The following STAG1 variants were observed in gnomAD, a reference collection of about 807,000 sequenced individuals.
STAG1 encodes cohesin subunit SA-1.
A neutral mutation model predicts 170.9 loss-of-function variants in STAG1; 26 were observed. The observed-to-expected ratio is 0.15, with a 90% CI of 0.11 to 0.21. The LOEUF is 0.21. Ranked by LOEUF, STAG1 falls within the 10% of genes least tolerant of loss-of-function variation. The pLI, the probability that STAG1 is intolerant of heterozygous loss-of-function variation, is 1.00. For missense variants in STAG1, 964 were observed against 1,509.5 expected, an observed-to-expected ratio of 0.64 and a Z score of 5.99; for synonymous variants, 514 against 497.7, an observed-to-expected ratio of 1.03 and a Z score of -0.44.
chr3:136,496,662 T>C (rs1339728514), intron 9 of STAG1, among the ~76,000 whole-genome samples: 1 of 152,036 alleles, frequency 6.6e-6, no homozygotes, highest in South Asian at 2.1e-4. Context: ...CTTTAAAAAA[T>C]TTATAGGAGT....
At chr3:136,461,356 G>A (rs529419618) in intron 13 of STAG1, among the ~76,000 whole-genome samples, 11 of 152,198 alleles carry the variant, frequency 7.2e-5, no homozygotes, top group African/African-American at 2.6e-4. Context: ...TGAAATAAAA[G>A]ACATCCAAAT....
chr3:136,461,477 G>C (rs1312502162), intron 13 of STAG1, among the ~76,000 whole-genome samples: 2 of 150,094 alleles, frequency 1.3e-5, no homozygotes, highest in Non-Finnish European at 3.0e-5. Context: ...AAAAGTAGCA[G>C]AATACAAAAT....
intron 4 of STAG1, among the ~76,000 whole-genome samples, chr3:136,600,004 C>T (rs1938595547): frequency 6.6e-6 from 1 of 152,134 alleles, no homozygotes. Flanking sequence ...CCTAAAACAA[C>T]ATTGGGAATT....
intron 4 of STAG1, among the ~76,000 whole-genome samples, chr3:136,584,093 AC>A (rs1418509014): frequency 6.6e-6 from 1 of 152,244 alleles, no homozygotes; most frequent in African/African-American, 2.4e-5. Flanking sequence ...TTTTTAAATG[AC>A]CATGTAATCT....
At chr3:136,551,359 T>C (rs997127139) in intron 5 of STAG1, among the ~76,000 whole-genome samples, 4 of 146,654 alleles carry the variant, frequency 2.7e-5, no homozygotes, top group African/African-American at 1.0e-4. Flanking sequence ...GCAATCCTCC[T>C]ACCTCAACCT....
At chr3:136,696,801 A>G (rs1226756409) in intron 1 of STAG1, among the ~76,000 whole-genome samples, 1 of 152,216 alleles carries the variant, frequency 6.6e-6, no homozygotes, top group Non-Finnish European at 1.5e-5. Flanking sequence ...ATGATTCCGT[A>G]TGTATGACAT....
At chr3:136,648,321 T>G (rs1941101272) in intron 1 of STAG1, among the ~76,000 whole-genome samples, 2 of 152,196 alleles carry the variant, frequency 1.3e-5, no homozygotes, top group Non-Finnish European at 2.9e-5. Context: ...TCCTTGCTCC[T>G]CAAGCACCAG....
intron 9 of STAG1, among the ~76,000 whole-genome samples, chr3:136,496,385 T>C (rs1299217062): frequency 1.3e-5 from 2 of 152,212 alleles, no homozygotes; most frequent in African/African-American, 2.4e-5. Context: ...TTCACCAAGA[T>C]AGAGTTTACT....
At position 136,526,497 on chromosome 3, in the gene STAG1, T is replaced by G. The variant is rs140686411; in HGVS notation, c.472-5080A>C. Among the ~76,000 whole-genome samples, 17 of 152,312 alleles carry G rather than the reference T, an allele frequency of 1.1e-4. No homozygotes were observed. The East Asian group carries it at 2.9e-3, about 26-fold the overall frequency. On this transcript the variant is annotated intron_variant, in intron 6 of 33. Transcript: ENST00000383202. ...TTTGAGCCTACGTGTGTCTCTGCACTTGAGATGGGTCTCCTGAATACAGCA... is the reference window on the plus strand; with the variant it reads ...TTTGAGCCTACGTGTGTCTCTGCACGTGAGATGGGTCTCCTGAATACAGCA...
intron 20 of STAG1, among the ~76,000 whole-genome samples, chr3:136,418,457 A>AATG (rs1166843839): frequency 2.0e-5 from 3 of 150,570 alleles, no homozygotes; most frequent in African/African-American, 4.9e-5. Flanking sequence ...ATACTCATTA[A>AATG]ATGCTCAAAT....
intron 22 of STAG1, among the ~76,000 whole-genome samples, chr3:136,387,639 G>A (rs937560954): frequency 6.6e-6 from 1 of 152,178 alleles, no homozygotes; most frequent in Non-Finnish European, 1.5e-5. Flanking sequence ...GATAGGGGGA[G>A]AGTGTGCAAC....
rs200328601 is a variant in STAG1 at position 136,377,750 on chromosome 3, C to T, written c.2280G>A (p.Glu760=). 5.0e-6 allele frequency: 8 copies of T among 1,613,604 alleles called. No homozygotes were observed. Among genetic ancestry groups the T allele is most frequent in the South Asian group, 3.3e-5 (3 of 91,070 alleles). ...CCGTTTTCCTCAATACCAACAAATC[C>T]TCCTGTAAGACACATTCAAATTTGC... is the stretch of plus-strand genomic sequence containing the variant. ...VKITDGSPSK[E]DLLVLRKTVK... Residue 760 remains glutamate, a splice_region_variant and synonymous_variant, in exon 23 of 34, where the codon GAG becomes GAA. Coordinates refer to ENST00000383202, the MANE Select transcript of STAG1 (RefSeq NM_005862.3).
intron 9 of STAG1, among the ~76,000 whole-genome samples, chr3:136,495,748 C>T (rs1933047897): frequency 6.6e-6 from 1 of 151,650 alleles, no homozygotes; most frequent in East Asian, 1.9e-4. Flanking sequence ...GCAGGTGGCT[C>T]GTGAGGTCAA....
chr3:136,637,167 T>C (rs1480708781), intron 1 of STAG1, among the ~76,000 whole-genome samples: 1 of 152,192 alleles, frequency 6.6e-6, no homozygotes, highest in Non-Finnish European at 1.5e-5. Context: ...AAGGTTTAAG[T>C]AGCATCAAGA....
intron 1 of STAG1, among the ~76,000 whole-genome samples, chr3:136,695,645 A>G (rs1463339113): frequency 6.6e-6 from 1 of 151,906 alleles, no homozygotes; most frequent in African/African-American, 2.4e-5. Flanking sequence ...AAAAAAAAAA[A>G]GACAAAACTT....
chr3:136,377,312 G>T (rs1391213409), intron 23 of STAG1, among the ~76,000 whole-genome samples: 1 of 139,338 alleles, frequency 7.2e-6, no homozygotes, highest in Non-Finnish European at 1.5e-5. Flanking sequence ...GCGTGAACCC[G>T]GGAGGCGGAG....
intron 8 of STAG1, among the ~76,000 whole-genome samples, chr3:136,501,592 C>T (rs1319038618): frequency 6.6e-6 from 1 of 152,146 alleles, no homozygotes; most frequent in Non-Finnish European, 1.5e-5. Context: ...ATGGCCCTGC[C>T]AACACCTTGA....
intron 4 of STAG1, among the ~76,000 whole-genome samples, chr3:136,597,949 C>T (rs1468546261): frequency 6.6e-6 from 1 of 152,012 alleles, no homozygotes; most frequent in Non-Finnish European, 1.5e-5. Context: ...AAGGAAGTTC[C>T]CTCTTGTTCC....
intron 7 of STAG1, among the ~76,000 whole-genome samples, chr3:136,516,041 TA>T (rs1246523429): frequency 6.6e-6 from 1 of 152,140 alleles, no homozygotes; most frequent in Non-Finnish European, 1.5e-5. Flanking sequence ...AAATAAAATG[TA>T]AATACAAAAA....
Sources: gnomAD v4.1 joint callset for allele counts (sites outside exome capture counted in the v4.1 genomes callset) on GRCh38, gnomAD v4.1.1 for gene constraint, MANE v1.5 for transcripts, NCBI Gene and HGNC (gene_info 2026-07-23, HGNC 2026-07-21) for gene names.